Variants in SNRK observed in about 807,000 individuals in gnomAD.
SNRK encodes the protein SNF related kinase.
SNRK carries 3 observed loss-of-function variants against 48.2 expected under a neutral mutation model. The observed-to-expected ratio is 0.06, with a 90% CI of 0.03 to 0.16. The LOEUF is 0.16. SNRK is among the 10% of genes least tolerant of loss of function. The pLI is 1.00. For synonymous variants in SNRK, 376 were observed against 366.1 expected, an observed-to-expected ratio of 1.03 and a Z score of -0.31; for missense variants, 627 against 976.0, an observed-to-expected ratio of 0.64 and a Z score of 4.76.
chr3:43,333,790 G>A (rs954092536), intron 4 of SNRK, among the ~76,000 whole-genome samples: 1 of 152,066 alleles, frequency 6.6e-6, no homozygotes, highest in Non-Finnish European at 1.5e-5. Context: ...TCTAGCTTAA[G>A]AAATAGAACA....
chr3:43,336,367 G>A (rs943316614), intron 4 of SNRK, among the ~76,000 whole-genome samples: 5 of 150,640 alleles, frequency 3.3e-5, no homozygotes, highest in African/African-American at 1.2e-4. Context: ...TTGCTTTGTT[G>A]CCCAGGCTGG....
intron 5 of SNRK, among the ~76,000 whole-genome samples, chr3:43,341,156 G>T (rs1053766402): frequency 8.0e-4 from 115 of 143,882 alleles, no homozygotes; most frequent in African/African-American, 2.1e-3. Flanking sequence ...TTTTGTTTTT[G>T]TTTTTTTTTT....
chr3:43,339,140 T>C (rs1363807205), intron 4 of SNRK, among the ~76,000 whole-genome samples: 4 of 152,238 alleles, frequency 2.6e-5, no homozygotes, highest in African/African-American at 7.2e-5. Flanking sequence ...ACTAGTTGCC[T>C]AGGAGTGCTT....
intron 1 of SNRK, among the ~76,000 whole-genome samples, chr3:43,296,953 A>C (rs1271877850): frequency 1.3e-5 from 2 of 152,186 alleles, no homozygotes; most frequent in Non-Finnish European, 2.9e-5. Flanking sequence ...GCAGCACATA[A>C]CAGTACTTGT....
chr3:43,337,113 G>A (rs1030796219), intron 4 of SNRK, among the ~76,000 whole-genome samples: 43 of 150,956 alleles, frequency 2.8e-4, no homozygotes, highest in Admixed American at 1.9e-3. Context: ...TCGATCTGTC[G>A]CCCAGGCTCG....
At chr3:43,289,135 T>C (rs148706496) in intron 1 of SNRK, among the ~76,000 whole-genome samples, 2 of 152,254 alleles carry the variant, frequency 1.3e-5, no homozygotes, top group East Asian at 1.9e-4. Context: ...TGAACTGTGG[T>C]GAGGCATAGG....
intron 4 of SNRK, chr3:43,332,993 C>G (rs2091158255): frequency 6.6e-6 from 1 of 152,146 alleles, no homozygotes; most frequent in Admixed American, 6.5e-5. Flanking sequence ...ATTATAGCCA[C>G]TACTTACAGG....
chr3:43,338,396 A>T (rs981459411), intron 4 of SNRK, among the ~76,000 whole-genome samples: 1 of 152,222 alleles, frequency 6.6e-6, no homozygotes, highest in African/African-American at 2.4e-5. Context: ...CTCATGGAAG[A>T]TATTATTCCA....
chr3:43,330,499 A>G (rs2091138023), intron 3 of SNRK, among the ~76,000 whole-genome samples: 1 of 152,232 alleles, frequency 6.6e-6, no homozygotes, highest in African/African-American at 2.4e-5. Flanking sequence ...GAGTGGTACA[A>G]AGAGGAGGAT....
Position 43,347,330 on chromosome 3 carries a change from G to C in SNRK, c.1080-9G>C. The C allele has an allele frequency of 1.3e-6, 2 of 1,547,022 alleles. No homozygotes were observed. The highest frequency in any genetic ancestry group is 1.7e-6 in the Non-Finnish European group (2 of 1,147,484). ...TGGCTTTTTTCCCCCCAATCTATCT[G>C]TTACATAGGCAGTCATGGCCAACCA... On this transcript the variant is annotated splice_polypyrimidine_tract_variant and intron_variant, in intron 6 of 6. Transcript: ENST00000296088. The surrounding 1 kb of genome is among the most constrained non-coding windows in gnomAD (Gnocchi z 5.4).
At chr3:43,324,242 G>A (rs965310849) in intron 3 of SNRK, among the ~76,000 whole-genome samples, 1 of 152,200 alleles carries the variant, frequency 6.6e-6, no homozygotes, top group Non-Finnish European at 1.5e-5. Context: ...GGGCGTGGTG[G>A]CTCACGCCTG....
intron 3 of SNRK, among the ~76,000 whole-genome samples, chr3:43,331,867 T>G (rs148495842): frequency 2.0e-5 from 3 of 152,244 alleles, no homozygotes; most frequent in Non-Finnish European, 4.4e-5. Context: ...GTGTGTTGTC[T>G]GTTGGCTTGG....
Position 43,303,965 on chromosome 3 carries a change from A to G in SNRK, c.589+173A>G, listed in dbSNP as rs750534463. On this transcript the variant is annotated intron_variant, in intron 3 of 6. Transcript: ENST00000296088. The surrounding 1 kb of genome is among the most constrained non-coding windows in gnomAD (Gnocchi z 6.2). ...CTAAAGCTGGCATTTCGTTTATTTCAACCTTTAGATGGCAAATGTCTAAAG... is the reference window on the plus strand; with the variant it reads ...CTAAAGCTGGCATTTCGTTTATTTCGACCTTTAGATGGCAAATGTCTAAAG... Among the ~76,000 whole-genome samples, 1 of 152,218 alleles carries G rather than the reference A, an allele frequency of 6.6e-6. No homozygotes were observed. Among genetic ancestry groups the G allele is most frequent in the Non-Finnish European group, 1.5e-5 (1 of 68,036 alleles).
intron 4 of SNRK, among the ~76,000 whole-genome samples, chr3:43,335,230 C>T (rs1232938898): frequency 2.6e-5 from 4 of 152,060 alleles, no homozygotes; most frequent in Admixed American, 6.5e-5. Flanking sequence ...TATAAATTGC[C>T]TACTGATACC....
At position 43,303,042 on chromosome 3, in the gene SNRK, A is replaced by T; in HGVS notation, c.-106-56A>T. On this transcript the variant is annotated intron_variant, in intron 2 of 6. Transcript: ENST00000296088. This position sits in a 1 kb window ranked among gnomAD's most constrained non-coding sequence, Gnocchi z 6.2. ...AAAAACAAAAAATGAAGTGATTTTA[A>T]AGTTTGTGAAGAAAAGTCGCAGAAA... 1 of 496,368 alleles carries T rather than the reference A, an allele frequency of 2.0e-6. No individual in the cohort carries two copies. 30.7% of individuals were successfully genotyped at this position (496,368 alleles called of 1,614,324 possible). A position where few individuals can be genotyped will look rare whatever the true frequency, so the allele number is the denominator to read the frequency against.
Position 43,304,145 on chromosome 3 carries a change from A to G in SNRK, c.589+353A>G, listed in dbSNP as rs547044526. Among the ~76,000 whole-genome samples the G allele has an allele frequency of 1.2e-4, 18 of 152,270 alleles. No individual in the cohort carries two copies. The East Asian group carries it at 2.5e-3, about 21-fold the overall frequency. ...CATCTCCTCTCTGTGCATATCGTCT[A>G]ACAATCATTGGAGACCCATATTGGA... On this transcript the variant is annotated intron_variant, in intron 3 of 6. Coordinates refer to ENST00000296088, the MANE Select transcript of SNRK (RefSeq NM_017719.5).
At chr3:43,291,800 G>A (rs1190791433) in intron 1 of SNRK, among the ~76,000 whole-genome samples, 1 of 150,360 alleles carries the variant, frequency 6.7e-6, no homozygotes, top group Non-Finnish European at 1.5e-5. Flanking sequence ...AAGATAATAA[G>A]AAAAGTTAAC....
rs192624879 is a variant in SNRK at position 43,302,563 on chromosome 3, C to G, written c.-106-535C>G. Among the ~76,000 whole-genome samples the G allele has an allele frequency of 4.8e-3, 731 of 151,962 alleles. 1 individual carries two copies. The highest frequency in any genetic ancestry group is 0.017 in the Middle Eastern group (5 of 294). ...ATAAGACCACATAGAATAGAGGTGT[C>G]CCAAGGTGCTCTGGGGATATTGAGG... On this transcript the variant is annotated intron_variant, in intron 2 of 6. Coordinates refer to ENST00000296088, the MANE Select transcript of SNRK (RefSeq NM_017719.5).
intron 4 of SNRK, among the ~76,000 whole-genome samples, chr3:43,336,588 T>A (rs1295544538): frequency 2.0e-5 from 3 of 152,144 alleles, no homozygotes; most frequent in African/African-American, 7.2e-5. Flanking sequence ...AGCCTCTGCC[T>A]CCCGAAGTGC....
Sources: gnomAD v4.1 joint callset for allele counts (sites outside exome capture counted in the v4.1 genomes callset) on GRCh38, gnomAD v4.1.1 for gene constraint, Gnocchi (gnomAD v3.1) non-coding constraint, MANE v1.5 for transcripts, NCBI Gene and HGNC (gene_info 2026-07-23, HGNC 2026-07-21) for gene names.